CYP4A22: variants seen among roughly 807,000 people sequenced by gnomAD.
The protein encoded by CYP4A22 is cytochrome P450 family 4 subfamily A member 22.
Under a neutral mutation model 56.2 loss-of-function variants are expected in CYP4A22, and 46 were observed. The ratio of observed to expected loss-of-function variants is 0.82; its 90% CI spans 0.65 to 1.05. The LOEUF is 1.05. Ranked by LOEUF, CYP4A22 falls within the 50% of genes least tolerant of loss-of-function variation. The pLI is 0.00. For missense variants in CYP4A22, 541 were observed against 645.9 expected, an observed-to-expected ratio of 0.84 and a Z score of 1.76; for synonymous variants, 193 against 251.1, an observed-to-expected ratio of 0.77 and a Z score of 2.19.
At position 47,137,596 on chromosome 1, in the gene CYP4A22, C is replaced by G. The variant is rs750711992; in HGVS notation, c.111C>G (p.Leu37=). Residue 37 remains leucine (L), a synonymous_variant, in exon 1 of 12, where the codon CTC becomes CTG. Coordinates refer to ENST00000371891, the MANE Select transcript of CYP4A22 (RefSeq NM_001010969.4). ...LLLLLIKAAQ[L]YLHRQWLLKA... ...TGCTGCTGATCAAGGCAGCTCAGCT[C>G]TACCTGCATAGGCAGTGGCTGCTCA... The G allele has an allele frequency of 1.2e-6, 2 of 1,614,214 alleles. No homozygotes were observed. Among genetic ancestry groups the G allele is most frequent in the Admixed American group, 1.7e-5 (1 of 60,034 alleles).
Position 47,137,606 on chromosome 1 carries a change from A to G in CYP4A22, c.121A>G (p.Arg41Gly). ...LIKAAQLYLH[R>G]QWLLKALQQF... ...CAAGGCAGCTCAGCTCTACCTGCAT[A>G]GGCAGTGGCTGCTCAAAGCCCTCCA... The change falls in exon 1 of 12, where the codon AGG becomes GGG. Residue 41 changes from arginine to glycine, a missense_variant. Around this residue, in one of 3 missense-constraint regions of CYP4A22, gnomAD observed 335 missense variants for 361.2 expected, o/e 0.93. Coordinates refer to ENST00000371891, the MANE Select transcript of CYP4A22 (RefSeq NM_001010969.4). 6.2e-7 allele frequency: 1 copy of G among 1,614,158 alleles called. No homozygotes were observed. Among genetic ancestry groups the G allele is most frequent in the Non-Finnish European group, 8.5e-7 (1 of 1,180,002 alleles).
chr1:47,141,675 G>A, intron 3 of CYP4A22, 60 bp downstream of exon 3: 1 of 1,587,850 alleles, frequency 6.3e-7, no homozygotes, highest in Non-Finnish European at 8.6e-7. Flanking sequence ...TATTTATTTG[G>A]CTCACAGAGA....
Position 47,148,907 on chromosome 1 carries a change from G to A in CYP4A22, c.*110G>A. ...CTTCCCTTCTTCCCACCTGCCTGCT[G>A]TCCCCCAGTCTGCCTGCCCTTCTCT... On this transcript the variant is annotated 3_prime_UTR_variant, in exon 12 of 12. Transcript: ENST00000371891. The A allele has an allele frequency of 7.6e-7, 1 of 1,310,778 alleles. No homozygotes were observed. The highest frequency in any genetic ancestry group is 2.7e-5 in the East Asian group (1 of 36,990). 81.2% of individuals were successfully genotyped at this position (1,310,778 alleles called of 1,614,324 possible). A position where few individuals can be genotyped will look rare whatever the true frequency, so the allele number is the denominator to read the frequency against.
chr1:47,146,177 G>T (rs911908), intron 11 of CYP4A22, 24 bp downstream of exon 11: 1 of 1,613,420 alleles, frequency 6.2e-7, no homozygotes, highest in Non-Finnish European at 8.5e-7. Flanking sequence ...TGTGGTAATT[G>T]GAATAGAGAA....
intron 1 of CYP4A22, 75 bp from the exon 2 acceptor site, chr1:47,140,705 G>A: frequency 6.3e-7 from 1 of 1,583,208 alleles, no homozygotes; most frequent in Non-Finnish European, 8.6e-7. Flanking sequence ...GGCTCCTGTA[G>A]TTGTCCTGCC....
In CYP4A22 at chr1:47,146,767, A is replaced by T. The variant is rs1645080662; in HGVS notation, c.1364+614A>T. 7 of 988,906 alleles carry T rather than the reference A, an allele frequency of 7.1e-6. 1 individual carries two copies. The African/African-American group carries it at 1.0e-4, about 15-fold the overall frequency. 61.3% of individuals were successfully genotyped at this position (988,906 alleles called of 1,614,324 possible). On this transcript the variant is annotated intron_variant, in intron 11 of 11. Coordinates refer to ENST00000371891, the MANE Select transcript of CYP4A22 (RefSeq NM_001010969.4). ...TTCTGTCTTGCCCAATGACATTTTT[A>T]CTTCATTATATAGTGTTCACATATT...
At position 47,147,968 on chromosome 1, in the gene CYP4A22, G is replaced by A. The variant is rs114062040; in HGVS notation, c.1365-634G>A. ...GGAAGGACAAGGATGGACGTTTCTG[G>A]AGTAGAGTTAGAAGGCTACAGGGGC... On this transcript the variant is annotated intron_variant, in intron 11 of 11. Transcript: ENST00000371891. Among the ~76,000 whole-genome samples, 679 of 152,302 alleles carry A rather than the reference G, an allele frequency of 4.5e-3. 9 individuals are homozygous for A. The highest frequency in any genetic ancestry group is 0.015 in the African/African-American group (640 of 41,550).
chr1:47,145,529 C>G (rs537267714), intron 9 of CYP4A22, among the ~76,000 whole-genome samples: 1 of 152,324 alleles, frequency 6.6e-6, no homozygotes, highest in South Asian at 2.1e-4. Context: ...AGAATGTCTT[C>G]CTTGGAGCAT....
intron 1 of CYP4A22, among the ~76,000 whole-genome samples, chr1:47,138,179 A>G (rs1411917657): frequency 6.6e-6 from 1 of 152,138 alleles, no homozygotes; most frequent in Admixed American, 6.5e-5. Context: ...AAAAGAGCTC[A>G]CTCTGCTGGG....
At chr1:47,147,098 T>A (rs573991704) in intron 11 of CYP4A22, 1 of 985,438 alleles carries the variant, frequency 1.0e-6, no homozygotes, top group South Asian at 4.7e-5. Context: ...ATGATAAAAA[T>A]TCTTAGTAGA....
rs1030341558 is a variant in CYP4A22, at chr1:47,137,754, T to C, written c.195+74T>C. Reference sequence around the variant, plus strand: ...TCTGAGACCCTGGTCACAAAATCCATAGAGCAAAGCCTTGTTTTGTAACAA... The same window carrying C: ...TCTGAGACCCTGGTCACAAAATCCACAGAGCAAAGCCTTGTTTTGTAACAA... On this transcript the variant is annotated intron_variant, in intron 1 of 11. Coordinates refer to ENST00000371891, the MANE Select transcript of CYP4A22 (RefSeq NM_001010969.4). 9.8e-6 allele frequency: 15 copies of C among 1,526,832 alleles called. No individual in the cohort carries two copies. In the African/African-American group the frequency reaches 1.7e-4, roughly 17 times the overall value. The allele number at this position is 1,526,832 out of a possible 1,614,324, so 94.6% of individuals were successfully genotyped here.
At position 47,143,807 on chromosome 1, in the gene CYP4A22, G is replaced by T. The variant is rs764597121; in HGVS notation, c.681G>T (p.Leu227=). The T allele has an allele frequency of 4.3e-6, 7 of 1,613,918 alleles. No individual in the cohort carries two copies. Among genetic ancestry groups the T allele is most frequent in the Admixed American group, 1.7e-5 (1 of 59,992 alleles). ...AGGCCATTAGTGACCTGAACAGCCT[G>T]GTTTTTTGCTGTATGAGGAATGCCT... is the stretch of plus-strand genomic sequence containing the variant. The part of the protein sequence containing the change: ...YIQAISDLNS[L]VFCCMRNAFH... The change falls in exon 6 of 12, where the codon CTG becomes CTT. Residue 227 remains leucine, a synonymous_variant. Transcript: ENST00000371891.
At chr1:47,143,645 A>G in intron 5 of CYP4A22, 117 bp from the exon 6 acceptor site, 1 of 1,414,552 alleles carries the variant, frequency 7.1e-7, no homozygotes, top group Non-Finnish European at 9.5e-7. Context: ...GATAGAAGAA[A>G]CATTGCCTCA....
rs977989201 is a variant in CYP4A22, at chr1:47,143,472, C to T, written c.635+79C>T. The T allele has an allele frequency of 2.4e-5, 36 of 1,506,316 alleles. No homozygotes were observed. The African/African-American group carries it at 3.6e-4, about 15-fold the overall frequency. The allele number at this position is 1,506,316 out of a possible 1,614,324, so 93.3% of individuals were successfully genotyped here. ...CATACCTGAGGGGCAGGTGGGGCAG[C>T]GTGAAGGCTCACCGCCACACAAAGG... On this transcript the variant is annotated intron_variant, in intron 5 of 11. Transcript: ENST00000371891.
intron 3 of CYP4A22, 116 bp downstream of exon 3, chr1:47,141,731 A>G (rs1235840146): frequency 7.3e-7 from 1 of 1,362,776 alleles, no homozygotes; most frequent in Non-Finnish European, 1.0e-6. Flanking sequence ...TCCCCAAATC[A>G]AGCCTCATTT....
At chr1:47,140,056 T>C (rs1203399716) in intron 1 of CYP4A22, among the ~76,000 whole-genome samples, 2 of 152,162 alleles carry the variant, frequency 1.3e-5, no homozygotes, top group African/African-American at 4.8e-5. Flanking sequence ...AAAAGAGAAG[T>C]TGAAGCCAGA....
intron 1 of CYP4A22, among the ~76,000 whole-genome samples, chr1:47,139,426 C>A (rs1644982460): frequency 6.6e-6 from 1 of 152,206 alleles, no homozygotes; most frequent in Non-Finnish European, 1.5e-5. Flanking sequence ...GAAGAGCTTT[C>A]TAATGTTCAG....
chr1:47,137,530 C>T lies in CYP4A22; in HGVS notation c.45C>T (p.Val15=), dbSNP rs777274039. ...GCCCCAGCAGACGCCTGGGTGGTGT[C>T]TCCGGGATCCTCCAAGTGACCTCCC... is the stretch of plus-strand genomic sequence containing the variant. ...VLSPSRRLGG[V]SGILQVTSLL... The change falls in exon 1 of 12, where the codon GTC becomes GTT. Residue 15 remains valine, a synonymous_variant. Transcript: ENST00000371891. 1 of 1,614,160 alleles carries T rather than the reference C, an allele frequency of 6.2e-7. No homozygotes were observed. The highest frequency in any genetic ancestry group is 1.7e-5 in the Admixed American group (1 of 60,028).
At position 47,142,186 on chromosome 1, in the gene CYP4A22, T is replaced by C; in HGVS notation, c.461T>C (p.Ile154Thr). ...CTGACCCCAGCCTTCCACAATGACA[T>C]CCTGAAGCCATACGTGGGGCTCATG... ...RMLTPAFHND[I>T]LKPYVGLMAD... is the part of the protein sequence containing the mutation. Residue 154 changes from isoleucine (I) to threonine (T), a missense_variant, in exon 4 of 12, where the codon ATC becomes ACC. Ile to Thr is a moderately conservative substitution (Grantham distance 89). Transcript: ENST00000371891. 6.2e-7 allele frequency: 1 copy of C among 1,613,794 alleles called. No individual in the cohort carries two copies. The highest frequency in any genetic ancestry group is 8.5e-7 in the Non-Finnish European group (1 of 1,179,866).
Sources: allele counts gnomAD v4.1 joint callset (sites outside exome capture counted in the v4.1 genomes callset), GRCh38; gene constraint gnomAD v4.1.1; regional missense constraint gnomAD v4.1.1; transcripts MANE v1.5; gene names NCBI Gene and HGNC (gene_info 2026-07-23, HGNC 2026-07-21).